Variants in HERC1 observed in about 807,000 individuals in gnomAD.
HERC1 encodes the protein HECT and RLD domain containing E3 ubiquitin protein ligase family member 1.
HERC1 carries 160 observed loss-of-function variants against 554.3 expected under a neutral mutation model. The observed-to-expected ratio is 0.29, with a 90% CI of 0.25 to 0.33. The LOEUF (loss-of-function observed/expected upper bound fraction) is 0.33, where lower values mean the gene tolerates loss of function less well. Ranked by LOEUF, HERC1 falls within the 10% of genes least tolerant of loss-of-function variation. The pLI, the probability that HERC1 is intolerant of heterozygous loss-of-function variation, is 1.00. For synonymous variants in HERC1, 2,175 were observed against 2,131.7 expected, an observed-to-expected ratio of 1.02 and a Z score of -0.56; for missense variants, 4,919 against 5,918.5, an observed-to-expected ratio of 0.83 and a Z score of 5.54.
chr15:63,610,213 T>C (rs1303852874), intron 77 of HERC1, among the ~76,000 whole-genome samples: 1 of 151,368 alleles, frequency 6.6e-6, no homozygotes, highest in Non-Finnish European at 1.5e-5. Context: ...CACACCTAGG[T>C]AAGCCACATG....
Position 63,727,919 on chromosome 15 carries a change from G to A in HERC1, c.3155-81C>T, listed in dbSNP as rs184153724. On this transcript the variant is annotated intron_variant, in intron 16 of 77. Coordinates refer to ENST00000443617, the MANE Select transcript of HERC1 (RefSeq NM_003922.4). This position sits in a 1 kb window ranked among gnomAD's most constrained non-coding sequence, Gnocchi z 4.3. ...AAGGAACCTAATAAATATTATTTTA[G>A]CTTGGAACTAGAGTAGACTCATTCA... 7 of 1,138,550 alleles carry A rather than the reference G, an allele frequency of 6.1e-6. No homozygotes were observed. In the Admixed American group the frequency reaches 1.5e-4, roughly 25 times the overall value. 70.5% of individuals were successfully genotyped at this position (1,138,550 alleles called of 1,614,324 possible). A position where few individuals can be genotyped will look rare whatever the true frequency, so the allele number is the denominator to read the frequency against.
Position 63,734,944 on chromosome 15 carries a change from T to C in HERC1, c.2521-95A>G. ...GAACTCACTGACTACTAGGATCATG[T>C]AAGTCTAAAAAAGATGGCATGATAA... On this transcript the variant is annotated intron_variant, in intron 12 of 77. Transcript: ENST00000443617. This position sits in a 1 kb window ranked among gnomAD's most constrained non-coding sequence, Gnocchi z 4.6. The C allele has an allele frequency of 9.5e-7, 1 of 1,050,506 alleles. No individual in the cohort carries two copies. Among genetic ancestry groups the C allele is most frequent in the Non-Finnish European group, 1.4e-6 (1 of 733,288 alleles). The allele number at this position is 1,050,506 out of a possible 1,614,324, so 65.1% of individuals were successfully genotyped here.
At chr15:63,617,535 G>T (rs2067876025) in intron 74 of HERC1, among the ~76,000 whole-genome samples, 1 of 152,176 alleles carries the variant, frequency 6.6e-6, no homozygotes, top group African/African-American at 2.4e-5. Flanking sequence ...GTAATGGGAT[G>T]GCTGGGTCAA....
intron 40 of HERC1, among the ~76,000 whole-genome samples, chr15:63,669,263 A>G (rs1395723632): frequency 6.6e-6 from 1 of 152,256 alleles, no homozygotes; most frequent in Admixed American, 6.5e-5. Context: ...CTAAAGCAGT[A>G]CTTAAAGGGA....
intron 44 of HERC1, 88 bp downstream of exon 44, chr15:63,662,896 A>G (rs1415048837): frequency 1.0e-6 from 1 of 973,130 alleles, no homozygotes; most frequent in Non-Finnish European, 1.6e-6. Context: ...AGAGTGTTTC[A>G]ACTCTAGGCA....
intron 68 of HERC1, among the ~76,000 whole-genome samples, chr15:63,630,941 T>C (rs772981989): frequency 2.8e-4 from 43 of 152,224 alleles, no homozygotes; most frequent in Non-Finnish European, 4.8e-4. Flanking sequence ...TTTGAAAGGA[T>C]AGGGTCTGAC....
chr15:63,748,690 T>C (rs1301224510), intron 10 of HERC1, among the ~76,000 whole-genome samples: 4 of 152,172 alleles, frequency 2.6e-5, no homozygotes, highest in Admixed American at 2.0e-4. Context: ...GGAATAACTA[T>C]TGATAAATAT....
At chr15:63,829,334 G>A (rs1291272907) in intron 1 of HERC1, among the ~76,000 whole-genome samples, 3 of 151,470 alleles carry the variant, frequency 2.0e-5, no homozygotes, top group Non-Finnish European at 4.4e-5. Flanking sequence ...GAGGTGGAAG[G>A]ATGGCTTAAG....
Position 63,675,204 on chromosome 15 carries a change from G to A in HERC1, c.7071-87C>T, listed in dbSNP as rs1036125919. 36 of 1,089,300 alleles carry A rather than the reference G, an allele frequency of 3.3e-5. 1 individual carries two copies. The highest frequency in any genetic ancestry group is 2.7e-4 in the African/African-American group (17 of 63,702). The allele number at this position is 1,089,300 out of a possible 1,614,324, so 67.5% of individuals were successfully genotyped here. ...CGGAAAATAATGTAGACAAAATAAGGTGCATCATGTACACAATACAGAGAA... is the reference window on the plus strand; with the variant it reads ...CGGAAAATAATGTAGACAAAATAAGATGCATCATGTACACAATACAGAGAA... On this transcript the variant is annotated intron_variant, in intron 37 of 77. Transcript: ENST00000443617.
intron 1 of HERC1, among the ~76,000 whole-genome samples, chr15:63,817,071 G>A (rs2077516787): frequency 1.3e-5 from 2 of 151,940 alleles, no homozygotes; most frequent in Admixed American, 6.6e-5. Context: ...ATGAGACTAA[G>A]GGAAACTTAT....
chr15:63,777,369 A>G (rs1277948598), intron 1 of HERC1, among the ~76,000 whole-genome samples: 1 of 152,208 alleles, frequency 6.6e-6, no homozygotes, highest in Admixed American at 6.5e-5. Context: ...GGTATTAAAC[A>G]CCAGCATTGT....
chr15:63,716,546 A>G, intron 21 of HERC1, 73 bp from the exon 22 acceptor site: 1 of 1,248,538 alleles, frequency 8.0e-7, no homozygotes, highest in Non-Finnish European at 1.1e-6. Flanking sequence ...AAAAACCTTT[A>G]ATTTTTTATC....
intron 12 of HERC1, among the ~76,000 whole-genome samples, chr15:63,736,208 T>C (rs1011197542): frequency 6.6e-6 from 1 of 152,214 alleles, no homozygotes; most frequent in East Asian, 1.9e-4. Context: ...GTAGAATTCC[T>C]AGAGGCTCAT....
At chr15:63,611,795 A>G (rs1566936646) in intron 77 of HERC1, among the ~76,000 whole-genome samples, 1 of 152,108 alleles carries the variant, frequency 6.6e-6, no homozygotes. Context: ...TTACTGCTTG[A>G]TTTTTTTCAT....
Position 63,638,520 on chromosome 15 carries a change from C to A in HERC1, c.11984G>T (p.Gly3995Val), listed in dbSNP as rs779833373. The A allele has an allele frequency of 1.2e-6, 2 of 1,613,738 alleles. No individual in the cohort carries two copies. The highest frequency in any genetic ancestry group is 4.5e-5 in the East Asian group (2 of 44,890). ...TSRPEDWHLG[G>V]KCDVYLWGAG... ...ACCCCATAAGTAGACATCACATTTA[C>A]CTCCCAGGTGCCAGTCCTAGAAAAC... is the stretch of plus-strand genomic sequence containing the variant. Residue 3995 changes from glycine (G) to valine (V), a missense_variant, in exon 63 of 78, where the codon GGT becomes GTT. Around this residue, in one of 11 missense-constraint regions of HERC1, gnomAD observed 122 missense variants for 195.2 expected, o/e 0.63. Transcript: ENST00000443617.
Position 63,694,272 on chromosome 15 carries a change from A to G in HERC1, c.5480+40T>C. 6.3e-7 allele frequency: 1 copy of G among 1,583,682 alleles called. No individual in the cohort carries two copies. The highest frequency in any genetic ancestry group is 1.8e-5 in the Admixed American group (1 of 54,724). The stretch of plus-strand genomic sequence containing the variant: ...GGGAATTCTAAAATGGAGGAAGACC[A>G]GACTTCATACAGTTCTACAAAGACA... On this transcript the variant is annotated intron_variant, in intron 29 of 77. Transcript: ENST00000443617. This position sits in a 1 kb window ranked among gnomAD's most constrained non-coding sequence, Gnocchi z 4.3.
At position 63,776,554 on chromosome 15, in the gene HERC1, A is replaced by G. The variant is rs574771285; in HGVS notation, c.-26-905T>C. Among the ~76,000 whole-genome samples, 3 of 152,352 alleles carry G rather than the reference A, an allele frequency of 2.0e-5. No individual in the cohort carries two copies. The South Asian group carries it at 6.2e-4, about 32-fold the overall frequency. On this transcript the variant is annotated intron_variant, in intron 1 of 77. Coordinates refer to ENST00000443617, the MANE Select transcript of HERC1 (RefSeq NM_003922.4). ...AGACCATAAAAATACTTCAATCAAA[A>G]TAGTGGTTGCCTCTAGAGGGTGACA...
intron 1 of HERC1, among the ~76,000 whole-genome samples, chr15:63,805,120 G>C (rs1567145285): frequency 6.6e-6 from 1 of 152,058 alleles, no homozygotes; most frequent in East Asian, 1.9e-4. Context: ...ATAAAGACCT[G>C]GTCATCAGTA....
intron 71 of HERC1, 35 bp downstream of exon 71, chr15:63,625,950 T>C (rs2068284406): frequency 6.3e-7 from 1 of 1,583,648 alleles, no homozygotes; most frequent in Non-Finnish European, 8.6e-7. Context: ...ACCAAGCCAG[T>C]CTGTGCCTGG....
Sources: gnomAD v4.1 joint callset for allele counts (sites outside exome capture counted in the v4.1 genomes callset) on GRCh38, gnomAD v4.1.1 for gene constraint, gnomAD v4.1.1 regional missense constraint, Gnocchi (gnomAD v3.1) non-coding constraint, MANE v1.5 for transcripts, NCBI Gene and HGNC (gene_info 2026-07-23, HGNC 2026-07-21) for gene names.